The following SETX variants were observed in gnomAD, a reference collection of about 807,000 sequenced individuals.
SETX encodes helicase senataxin.
In SETX, 90 loss-of-function variants were observed where a neutral mutation model predicts 227.2. The ratio of observed to expected loss-of-function variants is 0.40; its 90% CI spans 0.33 to 0.47. SETX has a LOEUF of 0.47. Ranked by LOEUF, SETX falls within the 20% of genes least tolerant of loss-of-function variation. The probability of loss-of-function intolerance (pLI) is 0.91; values close to 1 mark genes in which losing one functional copy is unlikely to be tolerated. For synonymous variants in SETX, 1,210 were observed against 1,113.2 expected, an observed-to-expected ratio of 1.09 and a Z score of -1.73; for missense variants, 3,052 against 3,181.5, an observed-to-expected ratio of 0.96 and a Z score of 0.98.
At chr9:132,354,744 G>A (rs1332454824) in intron 1 of SETX, among the ~76,000 whole-genome samples, 173 bp downstream of exon 1, 2 of 152,034 alleles carry the variant, frequency 1.3e-5, no homozygotes, top group Non-Finnish European at 2.9e-5. Flanking sequence ...GCCGTCGAGG[G>A]GTGCTCCCGC....
chr9:132,262,211 T>C lies in SETX; in HGVS notation c.*2028A>G, dbSNP rs1474081461. ...TCAAACTTCACTGGAAATAATATTG[T>C]TCAGTGTGTGGCGGCAAAATATGCA... is the stretch of plus-strand genomic sequence containing the variant. On this transcript the variant is annotated 3_prime_UTR_variant, in exon 26 of 26. Transcript: ENST00000224140. 3.3e-5 allele frequency: 5 copies of C among 152,204 alleles called. No individual in the cohort carries two copies. Among genetic ancestry groups the C allele is most frequent in the Non-Finnish European group, 5.9e-5 (4 of 68,042 alleles). 9.4% of individuals were successfully genotyped at this position (152,204 alleles called of 1,614,324 possible).
chr9:132,336,342 C>T lies in SETX; in HGVS notation c.672G>A (p.Leu224=). ...TGGTAGTATCATACATGTGTGAGGGCAGAAGAATCAGTTTACCCTTCTCTA... is the reference window on the plus strand; with the variant it reads ...TGGTAGTATCATACATGTGTGAGGGTAGAAGAATCAGTTTACCCTTCTCTA... ...SVLEKGKLIL[L]PSHMYDTTNY... is the part of the protein sequence containing the mutation. The change falls in exon 6 of 26, where the codon CTG becomes CTA. Residue 224 remains leucine, a synonymous_variant. Transcript: ENST00000224140. The T allele has an allele frequency of 6.2e-7, 1 of 1,614,008 alleles. No homozygotes were observed. Among genetic ancestry groups the T allele is most frequent in the Non-Finnish European group, 8.5e-7 (1 of 1,179,920 alleles).
At chr9:132,305,959 T>C (rs1845313586) in intron 11 of SETX, among the ~76,000 whole-genome samples, 3 of 152,196 alleles carry the variant, frequency 2.0e-5, no homozygotes, top group Admixed American at 2.0e-4. Context: ...TTGAGGAAAC[T>C]TGGTGAAGGT....
At chr9:132,286,595 A>G in intron 17 of SETX, 101 bp from the exon 18 acceptor site, 11 of 829,454 alleles carry the variant, frequency 1.3e-5, no homozygotes, top group South Asian at 7.1e-5. Context: ...TATTTCACCA[A>G]TGAAAAATGT....
chr9:132,265,494 G>A (rs1383680321), intron 25 of SETX, among the ~76,000 whole-genome samples: 1 of 152,116 alleles, frequency 6.6e-6, no homozygotes, highest in Non-Finnish European at 1.5e-5. Context: ...AAAGTGCTGG[G>A]ATTACAGGCA....
chr9:132,309,607 G>A (rs562280670), intron 11 of SETX, among the ~76,000 whole-genome samples: 2 of 152,112 alleles, frequency 1.3e-5, no homozygotes, highest in African/African-American at 4.8e-5. Context: ...GAAGGCTGAT[G>A]ACACAGGAGG....
chr9:132,279,887 A>G (rs1785858694), intron 20 of SETX, among the ~76,000 whole-genome samples: 1 of 152,232 alleles, frequency 6.6e-6, no homozygotes, highest in Non-Finnish European at 1.5e-5. Flanking sequence ...AATTCTGCAC[A>G]GAATGATTTT....
In SETX at chr9:132,305,210, C is replaced by T. The variant is rs868655737; in HGVS notation, c.5375-4407G>A. The stretch of plus-strand genomic sequence containing the variant: ...ATTACTGAAAATACAAAAAATTAGC[C>T]GGGCATGGTGGCGGCCGCCTGTAGT... On this transcript the variant is annotated intron_variant, in intron 11 of 25. Transcript: ENST00000224140. Among the ~76,000 whole-genome samples, 14 of 151,314 alleles carry T rather than the reference C, an allele frequency of 9.3e-5. No individual in the cohort carries two copies. The South Asian group carries it at 1.3e-3, about 14-fold the overall frequency.
intron 7 of SETX, among the ~76,000 whole-genome samples, chr9:132,333,874 G>C (rs1043933493): frequency 2.0e-5 from 3 of 152,152 alleles, no homozygotes; most frequent in African/African-American, 7.2e-5. Flanking sequence ...AATATGACTA[G>C]TGGGACCAAA....
At position 132,328,140 on chromosome 9, in the gene SETX, CA is replaced by C; in HGVS notation, c.3457del (p.Cys1153ValfsTer5). ...RPRSISVEEF[C>X]EIEVKKPKRK... The stretch of plus-strand genomic sequence containing the variant: ...CTTAGGCTTTTTTACTTCAATTTCA[CA>C]AAATTCTTCAACAGAAATACTCCGT... On this transcript the variant is annotated frameshift_variant, in exon 10 of 26. Coordinates refer to ENST00000224140, the MANE Select transcript of SETX (RefSeq NM_015046.7). LOFTEE classifies it high-confidence loss of function. The C allele has an allele frequency of 6.2e-7, 1 of 1,614,026 alleles. No individual in the cohort carries two copies.
intron 13 of SETX, 44 bp downstream of exon 13, chr9:132,298,036 A>G: frequency 6.7e-7 from 1 of 1,498,168 alleles, no homozygotes; most frequent in Non-Finnish European, 9.3e-7. Flanking sequence ...TGATGCTTTA[A>G]CATCTTAACA....
chr9:132,344,703 GTC>G (rs1170062840), intron 4 of SETX, among the ~76,000 whole-genome samples: 1 of 151,964 alleles, frequency 6.6e-6, no homozygotes, highest in African/African-American at 2.4e-5. Flanking sequence ...GGCAAAACCT[GTC>G]TCTACTAAAA....
intron 5 of SETX, among the ~76,000 whole-genome samples, chr9:132,339,044 T>C (rs1473279258): frequency 6.6e-6 from 1 of 152,244 alleles, no homozygotes; most frequent in African/African-American, 2.4e-5. Flanking sequence ...CTTTCGAGCA[T>C]GAGCGACCAT....
intron 11 of SETX, among the ~76,000 whole-genome samples, chr9:132,308,840 C>A (rs1458091254): frequency 1.3e-5 from 2 of 152,120 alleles, no homozygotes; most frequent in Non-Finnish European, 2.9e-5. Context: ...AGCCAAAGCA[C>A]TCAAAAAGTA....
chr9:132,327,133 T>C lies in SETX; in HGVS notation c.4465A>G (p.Ser1489Gly). 1 of 1,614,250 alleles carries C rather than the reference T, an allele frequency of 6.2e-7. No individual in the cohort carries two copies. Among genetic ancestry groups the C allele is most frequent in the Non-Finnish European group, 8.5e-7 (1 of 1,180,054 alleles). Residue 1489 changes from serine to glycine, a missense_variant, in exon 10 of 26, where the codon AGT becomes GGT. By Grantham distance (56) the Ser-to-Gly change is moderately conservative. Around this residue, in one of 10 missense-constraint regions of SETX, gnomAD observed 1,483 missense variants for 1,312.0 expected, o/e 1.13. Transcript: ENST00000224140. The part of the protein sequence containing the change: ...ALKEGEPDSS[S>G]DAEEDNLFLT... ...AATAAGTTATCTTCCTCTGCATCAC[T>C]GCTGGAGTCAGGCTCTCCTTCTTTC... is the stretch of plus-strand genomic sequence containing the variant.
At chr9:132,342,165 C>A (rs1232406337) in intron 5 of SETX, among the ~76,000 whole-genome samples, 1 of 152,068 alleles carries the variant, frequency 6.6e-6, no homozygotes, top group East Asian at 1.9e-4. Context: ...ACTGTCTTAC[C>A]ACAAAAGGTG....
At chr9:132,308,298 T>A (rs1044430706) in intron 11 of SETX, among the ~76,000 whole-genome samples, 1 of 152,144 alleles carries the variant, frequency 6.6e-6, no homozygotes, top group Non-Finnish European at 1.5e-5. Flanking sequence ...ATTGGATCAA[T>A]CCTCTAGTTC....
chr9:132,297,106 T>C (rs1844718604), intron 13 of SETX, 52 bp from the exon 14 acceptor site: 5 of 1,482,346 alleles, frequency 3.4e-6, no homozygotes, highest in Admixed American at 1.9e-5. Context: ...GTAGTGGAAT[T>C]TGAAAGGAAG....
chr9:132,351,202 G>C (rs147220396), intron 2 of SETX, among the ~76,000 whole-genome samples: 290 of 152,192 alleles, frequency 1.9e-3, no homozygotes, highest in African/African-American at 6.7e-3. Flanking sequence ...CTTAGAAGAC[G>C]TAAGAACAGA....
Sources: allele counts gnomAD v4.1 joint callset (sites outside exome capture counted in the v4.1 genomes callset), GRCh38; gene constraint gnomAD v4.1.1; regional missense constraint gnomAD v4.1.1; transcripts MANE v1.5; gene names NCBI Gene and HGNC (gene_info 2026-07-23, HGNC 2026-07-21).